Variants in NALCN observed in about 807,000 individuals in gnomAD.
The protein encoded by NALCN is sodium leak channel NALCN.
In NALCN, 111 loss-of-function variants were observed where a neutral mutation model predicts 225.3. The ratio of observed to expected loss-of-function variants is 0.49; its 90% CI spans 0.42 to 0.58. NALCN has a LOEUF of 0.58. NALCN is among the 20% of genes least tolerant of loss of function. The pLI is 0.00. For missense variants in NALCN, 1,378 were observed against 2,202.4 expected (o/e 0.63, Z 7.49); for synonymous variants, 764 against 769.0 (o/e 0.99, Z 0.11).
intron 15 of NALCN, among the ~76,000 whole-genome samples, chr13:101,163,466 C>G (rs557418429): frequency 6.8e-4 from 103 of 152,268 alleles, no homozygotes; most frequent in African/African-American, 2.2e-3. Flanking sequence ...GTTAATCACA[C>G]ATGACATGAA....
In NALCN at chr13:101,333,315, G is replaced by A. The variant is rs572721959; in HGVS notation, c.799+11951C>T. Among the ~76,000 whole-genome samples, 296 of 152,172 alleles carry A rather than the reference G, an allele frequency of 1.9e-3. 2 individuals are homozygous for A. Among genetic ancestry groups the A allele is most frequent in the Middle Eastern group, 0.01 (3 of 292 alleles). On this transcript the variant is annotated intron_variant, in intron 7 of 43. Coordinates refer to ENST00000251127, the MANE Select transcript of NALCN (RefSeq NM_052867.4). ...AGCCATTCATGATTTATTCTAATAC[G>A]TTTATTTTAGTTTTAATTTTATTTA...
intron 13 of NALCN, among the ~76,000 whole-genome samples, chr13:101,223,114 G>GA (rs545155119): frequency 5.8e-4 from 88 of 152,010 alleles, no homozygotes; most frequent in African/African-American, 9.9e-4. Context: ...ACCTGACCCT[G>GA]AAAAAAACAA....
At chr13:101,234,923 T>C (rs1445969190) in intron 12 of NALCN, among the ~76,000 whole-genome samples, 1 of 152,084 alleles carries the variant, frequency 6.6e-6, no homozygotes, top group African/African-American at 2.4e-5. Context: ...TAATATTAGA[T>C]ATTTTGTAAA....
intron 14 of NALCN, among the ~76,000 whole-genome samples, chr13:101,186,561 T>A (rs895027441): frequency 6.6e-6 from 1 of 152,124 alleles, no homozygotes; most frequent in Non-Finnish European, 1.5e-5. Context: ...AGTATTAGAC[T>A]TTTTTTGGGT....
intron 13 of NALCN, among the ~76,000 whole-genome samples, chr13:101,211,030 G>A (rs1318907016): frequency 6.6e-6 from 1 of 152,014 alleles, no homozygotes; most frequent in South Asian, 2.1e-4. Context: ...GAGCTAAAAG[G>A]CATACAGACA....
Position 101,229,354 on chromosome 13 carries a change from A to G in NALCN, c.1626+39T>C. On this transcript the variant is annotated intron_variant, in intron 13 of 43. Transcript: ENST00000251127. ...TGTTAATCATTATTACTAAAATAAG[A>G]ACAATGAATTTAACTTACTGCATTT... 5 of 1,465,904 alleles carry G rather than the reference A, an allele frequency of 3.4e-6. 1 individual carries two copies. The South Asian group carries it at 7.3e-5, about 21-fold the overall frequency. 90.8% of individuals were successfully genotyped at this position (1,465,904 alleles called of 1,614,324 possible). A position where few individuals can be genotyped will look rare whatever the true frequency, so the allele number is the denominator to read the frequency against.
At chr13:101,091,509 C>T (rs1307314376) in intron 28 of NALCN, among the ~76,000 whole-genome samples, 1 of 152,126 alleles carries the variant, frequency 6.6e-6, no homozygotes, top group Non-Finnish European at 1.5e-5. Flanking sequence ...TTAGTGGAGA[C>T]GGTCTTTAAT....
At position 101,066,390 on chromosome 13, in the gene NALCN, C is replaced by T. The variant is rs567854073; in HGVS notation, c.4447-829G>A. On this transcript the variant is annotated intron_variant, in intron 39 of 43. Transcript: ENST00000251127. ...AAAACTATATACAAGAGAATTAGGCCTTCAGCTCTGCCCTCTTCTGGGGTC... is the reference window on the plus strand; with the variant it reads ...AAAACTATATACAAGAGAATTAGGCTTTCAGCTCTGCCCTCTTCTGGGGTC... Among the ~76,000 whole-genome samples the T allele has an allele frequency of 3.3e-5, 5 of 152,166 alleles. 2 individuals are homozygous for T. The highest frequency in any genetic ancestry group is 1.2e-4 in the African/African-American group (5 of 41,496).
rs747964903 is a variant in NALCN, at chr13:101,111,197, C to A, written c.2222G>T (p.Gly741Val). 6.2e-7 allele frequency: 1 copy of A among 1,606,898 alleles called. No individual in the cohort carries two copies. The highest frequency in any genetic ancestry group is 8.5e-7 in the Non-Finnish European group (1 of 1,175,072). Reference sequence around the variant, plus strand: ...CTTTGCGGGCTGCCCCTCAAATGATCCGCTCAGCATGCGCTGTCGGGTGCA... The same window carrying A: ...CTTTGCGGGCTGCCCCTCAAATGATACGCTCAGCATGCGCTGTCGGGTGCA... ...RACTRQRMLSGSFEGQPAKER... is the reference protein window; with the variant it reads ...RACTRQRMLSVSFEGQPAKER... Residue 741 changes from glycine (G) to valine (V), a missense_variant, in exon 19 of 44, where the codon GGA becomes GTA. Gly to Val is a moderately radical substitution (Grantham distance 109, BLOSUM62 -3). Coordinates refer to ENST00000251127, the MANE Select transcript of NALCN (RefSeq NM_052867.4).
chr13:101,179,313 C>CT (rs35464695), intron 14 of NALCN, among the ~76,000 whole-genome samples: 38,054 of 151,856 alleles, frequency 0.25, 5,491 homozygotes, highest in Non-Finnish European at 0.33. Flanking sequence ...CAAATTGCAG[C>CT]TTTTTTTTCA....
At chr13:101,312,548 C>T (rs994895978) in intron 7 of NALCN, among the ~76,000 whole-genome samples, 1 of 152,022 alleles carries the variant, frequency 6.6e-6, no homozygotes, top group Admixed American at 6.6e-5. Flanking sequence ...CCCAGAGATT[C>T]TGGTATGTTG....
chr13:101,315,596 T>G (rs1411449830), intron 7 of NALCN, among the ~76,000 whole-genome samples: 1 of 152,194 alleles, frequency 6.6e-6, no homozygotes, highest in East Asian at 1.9e-4. Flanking sequence ...GAAAACTTTC[T>G]TAGTAAGAAT....
At chr13:101,326,908 T>C (rs1427205079) in intron 7 of NALCN, among the ~76,000 whole-genome samples, 1 of 152,168 alleles carries the variant, frequency 6.6e-6, no homozygotes, top group Non-Finnish European at 1.5e-5. Flanking sequence ...CTTCTCCTTT[T>C]CTAGGCTAGA....
At chr13:101,416,007 C>G (rs1236904580) in intron 1 of NALCN, among the ~76,000 whole-genome samples, 1 of 152,088 alleles carries the variant, frequency 6.6e-6, no homozygotes, top group Non-Finnish European at 1.5e-5. Flanking sequence ...CAGGGGCATC[C>G]CGCGGCAGGC....
intron 34 of NALCN, among the ~76,000 whole-genome samples, chr13:101,079,686 A>G (rs1410940613): frequency 6.6e-6 from 1 of 152,202 alleles, no homozygotes; most frequent in African/African-American, 2.4e-5. Flanking sequence ...CAGCAACTAT[A>G]TTTGTTTTGC....
At chr13:101,177,487 G>T (rs2039010432) in intron 14 of NALCN, among the ~76,000 whole-genome samples, 1 of 148,518 alleles carries the variant, frequency 6.7e-6, no homozygotes, top group Non-Finnish European at 1.5e-5. Context: ...CTTGAAGGAG[G>T]TACTTTAGAA....
At chr13:101,275,310 C>A (rs1222620241) in intron 10 of NALCN, among the ~76,000 whole-genome samples, 1 of 152,188 alleles carries the variant, frequency 6.6e-6, no homozygotes, top group Non-Finnish European at 1.5e-5. Context: ...GGTGAGAAAA[C>A]AGAGGCAGGC....
intron 12 of NALCN, among the ~76,000 whole-genome samples, chr13:101,236,336 C>G (rs1047118820): frequency 6.6e-6 from 1 of 152,174 alleles, no homozygotes; most frequent in Non-Finnish European, 1.5e-5. Flanking sequence ...TAGTTCAACT[C>G]TTGTGGAAGT....
At chr13:101,095,718 C>A in intron 27 of NALCN, 38 bp from the exon 28 acceptor site, 2 of 1,500,538 alleles carry the variant, frequency 1.3e-6, no homozygotes, top group South Asian at 2.4e-5. Context: ...GAAACCTGGT[C>A]AGAAAATGAA....
Sources: gnomAD v4.1 joint callset for allele counts (sites outside exome capture counted in the v4.1 genomes callset) on GRCh38, gnomAD v4.1.1 for gene constraint, MANE v1.5 for transcripts, NCBI Gene and HGNC (gene_info 2026-07-23, HGNC 2026-07-21) for gene names.